CADPS: variants seen among roughly 807,000 people sequenced by gnomAD.
The protein encoded by CADPS is calcium dependent secretion activator.
CADPS carries 57 observed loss-of-function variants against 167.3 expected under a neutral mutation model. The ratio of observed to expected loss-of-function variants is 0.34; its 90% CI spans 0.28 to 0.42. CADPS has a LOEUF of 0.42. Among genes scored for constraint, CADPS ranks in the 20% least tolerant of loss-of-function variants. The pLI, the probability that CADPS is intolerant of heterozygous loss-of-function variation, is 1.00. For missense variants in CADPS, 1,414 were observed against 1,738.1 expected, an observed-to-expected ratio of 0.81 and a Z score of 3.32; for synonymous variants, 676 against 635.3, an observed-to-expected ratio of 1.06 and a Z score of -0.96.
chr3:62,816,551 A>C (rs13077848), intron 1 of CADPS, among the ~76,000 whole-genome samples: 9,964 of 152,070 alleles, frequency 0.066, 404 homozygotes, highest in South Asian at 0.13. Context: ...GAGAAAAAGG[A>C]AGAAAATTTC....
intron 4 of CADPS, among the ~76,000 whole-genome samples, chr3:62,652,102 G>A (rs954787073): frequency 6.6e-6 from 1 of 152,080 alleles, no homozygotes; most frequent in Non-Finnish European, 1.5e-5. Context: ...TATCTTCACA[G>A]AAATGTTGCT....
intron 5 of CADPS, among the ~76,000 whole-genome samples, chr3:62,649,510 C>T (rs977346538): frequency 5.2e-5 from 7 of 133,556 alleles, no homozygotes; most frequent in Non-Finnish European, 1.1e-4. Context: ...CCTTTCGGAC[C>T]TTTTATATCA....
chr3:62,698,617 ATTCTTG>A (rs1293735049), intron 3 of CADPS, among the ~76,000 whole-genome samples: 2 of 107,190 alleles, frequency 1.9e-5, no homozygotes, highest in East Asian at 7.2e-4. Context: ...GGTGGTTCTT[ATTCTTG>A]TTCTTGTTCT....
At chr3:62,803,063 C>T (rs115812687) in intron 1 of CADPS, among the ~76,000 whole-genome samples, 13 of 152,242 alleles carry the variant, frequency 8.5e-5, no homozygotes, top group Non-Finnish European at 1.6e-4. Context: ...CTCTTCTATG[C>T]TTTGCCTCCT....
intron 16 of CADPS, chr3:62,513,704 TC>T: frequency 6.3e-7 from 1 of 1,580,446 alleles, no homozygotes; most frequent in Non-Finnish European, 8.6e-7. Context: ...TCTCTCTTTT[TC>T]CCTATAAAAG....
At chr3:62,697,018 A>T (rs1031317312) in intron 3 of CADPS, among the ~76,000 whole-genome samples, 3 of 152,116 alleles carry the variant, frequency 2.0e-5, no homozygotes, top group Non-Finnish European at 4.4e-5. Flanking sequence ...AAGGCAGTCA[A>T]ATATATCCGC....
chr3:62,736,023 A>T (rs1489354320), intron 3 of CADPS, among the ~76,000 whole-genome samples: 1 of 152,166 alleles, frequency 6.6e-6, no homozygotes. Flanking sequence ...GATTACCATA[A>T]GGGGGAATCA....
intron 6 of CADPS, among the ~76,000 whole-genome samples, chr3:62,635,673 A>T (rs1156493718): frequency 6.8e-6 from 1 of 146,996 alleles, no homozygotes; most frequent in Non-Finnish European, 1.5e-5. Context: ...TCCCCTCCCC[A>T]GATATTTTGC....
At chr3:62,760,758 T>C (rs920032029) in intron 2 of CADPS, among the ~76,000 whole-genome samples, 2 of 152,166 alleles carry the variant, frequency 1.3e-5, no homozygotes, top group African/African-American at 2.4e-5. Context: ...TTTAGAAAAA[T>C]AGCCAGTGTG....
At chr3:62,422,668 C>T (rs572909073) in intron 28 of CADPS, among the ~76,000 whole-genome samples, 1 of 152,268 alleles carries the variant, frequency 6.6e-6, no homozygotes, top group African/African-American at 2.4e-5. Flanking sequence ...ATAATGACCA[C>T]GTAATGATTT....
Position 62,713,880 on chromosome 3 carries a change from T to C in CADPS, c.888+39561A>G, listed in dbSNP as rs527979894. 5.5e-4 allele frequency among the ~76,000 whole-genome samples: 84 copies of C among 152,326 alleles called. 1 individual carries two copies. Among genetic ancestry groups the C allele is most frequent in the Admixed American group, 1.8e-3 (27 of 15,304 alleles). ...CTCAGGGGTTGTGCCCTGAGATCATTCATTCCTGCTACTTATAGCCTTATA... is the reference window on the plus strand; with the variant it reads ...CTCAGGGGTTGTGCCCTGAGATCATCCATTCCTGCTACTTATAGCCTTATA... On this transcript the variant is annotated intron_variant, in intron 3 of 29. Coordinates refer to ENST00000383710, the MANE Select transcript of CADPS (RefSeq NM_003716.4).
At chr3:62,737,302 A>G (rs1387112897) in intron 3 of CADPS, among the ~76,000 whole-genome samples, 4 of 151,330 alleles carry the variant, frequency 2.6e-5, no homozygotes, top group Non-Finnish European at 4.4e-5. Context: ...TAAAAACAAA[A>G]ACAAAAACAA....
chr3:62,662,510 A>G, intron 3 of CADPS, 116 bp from the exon 4 acceptor site: 1 of 835,642 alleles, frequency 1.2e-6, no homozygotes, highest in Admixed American at 2.4e-5. Context: ...TTCAGTTAAA[A>G]AAAAATTCTT....
At chr3:62,596,523 A>G (rs1343777592) in intron 6 of CADPS, among the ~76,000 whole-genome samples, 1 of 152,150 alleles carries the variant, frequency 6.6e-6, no homozygotes, top group Non-Finnish European at 1.5e-5. Context: ...CTACATGTAT[A>G]CAATGTGTAA....
chr3:62,867,249 C>A (rs1457627135), intron 1 of CADPS, among the ~76,000 whole-genome samples: 2 of 151,938 alleles, frequency 1.3e-5, no homozygotes, highest in African/African-American at 4.8e-5. Flanking sequence ...TGATAACGAG[C>A]ATAGTGCCTT....
chr3:62,836,310 A>C (rs1028732551), intron 1 of CADPS, among the ~76,000 whole-genome samples: 2 of 152,180 alleles, frequency 1.3e-5, no homozygotes, highest in Non-Finnish European at 2.9e-5. Context: ...TCCTGGAACC[A>C]TTTCTGCCTT....
intron 23 of CADPS, among the ~76,000 whole-genome samples, chr3:62,475,138 C>T (rs1340821286): frequency 2.0e-5 from 3 of 152,156 alleles, no homozygotes; most frequent in Admixed American, 6.5e-5. Context: ...TAACATAATT[C>T]TGACATTGGT....
intron 3 of CADPS, among the ~76,000 whole-genome samples, chr3:62,709,049 GC>G (rs141838314): frequency 0.084 from 12,809 of 152,064 alleles, 663 homozygotes; most frequent in South Asian, 0.16. Context: ...ACTTATAAGA[GC>G]CTAATTCTAA....
chr3:62,479,018 G>T (rs2061643259), intron 22 of CADPS, among the ~76,000 whole-genome samples: 1 of 152,162 alleles, frequency 6.6e-6, no homozygotes, highest in Non-Finnish European at 1.5e-5. Context: ...AGTTCAGTTT[G>T]GTTACTGTTC....
Sources: gnomAD v4.1 joint callset for allele counts (sites outside exome capture counted in the v4.1 genomes callset) on GRCh38, gnomAD v4.1.1 for gene constraint, MANE v1.5 for transcripts, NCBI Gene and HGNC (gene_info 2026-07-23, HGNC 2026-07-21) for gene names.